Variants in EXOC4 observed in about 807,000 individuals in gnomAD.
The protein encoded by EXOC4 is SEC8-like 1.
EXOC4 carries 71 observed loss-of-function variants against 107.2 expected under a neutral mutation model. The ratio of observed to expected loss-of-function variants is 0.66; its 90% CI spans 0.55 to 0.81. EXOC4 has a LOEUF of 0.81. Ranked by LOEUF, EXOC4 falls within the 30% of genes least tolerant of loss-of-function variation. The pLI, the probability that EXOC4 is intolerant of heterozygous loss-of-function variation, is 0.00. For synonymous variants in EXOC4, 456 were observed against 441.2 expected (o/e 1.03, Z -0.42); for missense variants, 1,108 against 1,189.6 (o/e 0.93, Z 1.01).
chr7:133,544,622 A>T (rs1177263043), intron 9 of EXOC4, among the ~76,000 whole-genome samples: 1 of 152,094 alleles, frequency 6.6e-6, no homozygotes, highest in Admixed American at 6.5e-5. Context: ...CAATACTGTC[A>T]TACTGTCATT....
chr7:133,669,846 C>G (rs1162912199), intron 10 of EXOC4, among the ~76,000 whole-genome samples: 1 of 152,148 alleles, frequency 6.6e-6, no homozygotes, highest in African/African-American at 2.4e-5. Context: ...TACAAGGACT[C>G]TAAGGAATGT....
rs1802129458 is a variant in EXOC4, at chr7:133,613,913, A to G, written c.1418-16132A>G. 3.3e-5 allele frequency among the ~76,000 whole-genome samples: 5 copies of G among 152,282 alleles called. No homozygotes were observed. The South Asian group carries it at 1.0e-3, about 32-fold the overall frequency. On this transcript the variant is annotated intron_variant, in intron 9 of 17. Coordinates refer to ENST00000253861, the MANE Select transcript of EXOC4 (RefSeq NM_021807.4). ...AGTCATTATATGGTAACTTAAGGCA[A>G]AAGGAAGGTGAAGGATGTAAAGCTG...
intron 10 of EXOC4, among the ~76,000 whole-genome samples, chr7:133,729,890 A>T (rs569928644): frequency 6.6e-6 from 1 of 152,150 alleles, no homozygotes; most frequent in South Asian, 2.1e-4. Context: ...GGTCTACAGT[A>T]GTCCAGTCTC....
chr7:134,041,332 A>G (rs939243801), intron 17 of EXOC4, among the ~76,000 whole-genome samples: 1 of 152,236 alleles, frequency 6.6e-6, no homozygotes, highest in Non-Finnish European at 1.5e-5. Context: ...TAAAAATGGC[A>G]TAAGGTTTAG....
Position 133,589,975 on chromosome 7 carries a change from G to A in EXOC4, c.1418-40070G>A, listed in dbSNP as rs990354863. Among the ~76,000 whole-genome samples, 7 of 152,098 alleles carry A rather than the reference G, an allele frequency of 4.6e-5. No individual in the cohort carries two copies. In the South Asian group the frequency reaches 1.5e-3, roughly 32 times the overall value. On this transcript the variant is annotated intron_variant, in intron 9 of 17. Coordinates refer to ENST00000253861, the MANE Select transcript of EXOC4 (RefSeq NM_021807.4). ...AATTAGGCATGCGAACACATTTAAAGGTGAGGAGAGCGGAATTTATTAAAA... is the reference window on the plus strand; with the variant it reads ...AATTAGGCATGCGAACACATTTAAAAGTGAGGAGAGCGGAATTTATTAAAA...
chr7:133,529,550 A>G (rs774170647), intron 9 of EXOC4, among the ~76,000 whole-genome samples: 9 of 152,166 alleles, frequency 5.9e-5, no homozygotes, highest in Non-Finnish European at 1.2e-4. Flanking sequence ...CATTTTGTAG[A>G]TGGGGCCCTA....
intron 10 of EXOC4, among the ~76,000 whole-genome samples, chr7:133,775,559 C>T (rs1376813256): frequency 6.6e-6 from 1 of 152,152 alleles, no homozygotes; most frequent in African/African-American, 2.4e-5. Context: ...GGTGCATCAG[C>T]AGGCATGTCT....
intron 10 of EXOC4, among the ~76,000 whole-genome samples, chr7:133,736,231 C>G (rs1357457556): frequency 2.6e-5 from 4 of 152,180 alleles, no homozygotes. Flanking sequence ...CAAGTTTATC[C>G]AAACAGTAGG....
At chr7:133,872,000 A>C (rs1798760774) in intron 11 of EXOC4, among the ~76,000 whole-genome samples, 1 of 152,176 alleles carries the variant, frequency 6.6e-6, no homozygotes, top group Non-Finnish European at 1.5e-5. Flanking sequence ...CAAGGCCAGA[A>C]GGAGAACAGC....
rs966991999 is a variant in EXOC4 at position 133,750,989 on chromosome 7, G to A, written c.1515-66336G>A. ...TGGACAGACGTTGTTTGTATTTCAC[G>A]CCCACACAAGTGTGTTAGTGTGGAG... On this transcript the variant is annotated intron_variant, in intron 10 of 17. Coordinates refer to ENST00000253861, the MANE Select transcript of EXOC4 (RefSeq NM_021807.4). 7.2e-5 allele frequency among the ~76,000 whole-genome samples: 11 copies of A among 152,150 alleles called. 1 individual carries two copies. The highest frequency in any genetic ancestry group is 1.4e-4 in the African/African-American group (6 of 41,424).
intron 10 of EXOC4, among the ~76,000 whole-genome samples, chr7:133,670,780 A>G (rs905845619): frequency 1.3e-5 from 2 of 152,208 alleles, no homozygotes; most frequent in African/African-American, 4.8e-5. Flanking sequence ...ATGATGTAAT[A>G]AGTGTTTGTA....
At chr7:133,946,671 C>T (rs1198898788) in intron 14 of EXOC4, among the ~76,000 whole-genome samples, 4 of 152,186 alleles carry the variant, frequency 2.6e-5, no homozygotes, top group Admixed American at 6.5e-5. Context: ...CTGAAATCTA[C>T]GTTATTACTA....
chr7:133,459,476 G>A (rs144484985), intron 7 of EXOC4, among the ~76,000 whole-genome samples: 43 of 152,316 alleles, frequency 2.8e-4, no homozygotes, highest in Admixed American at 1.2e-3. Context: ...AATGATCCAG[G>A]TATACAATTA....
At chr7:133,708,614 C>G (rs1272634668) in intron 10 of EXOC4, among the ~76,000 whole-genome samples, 1 of 152,168 alleles carries the variant, frequency 6.6e-6, no homozygotes, top group Non-Finnish European at 1.5e-5. Flanking sequence ...TCTTCCCGTT[C>G]ATTCTCTCAT....
intron 10 of EXOC4, among the ~76,000 whole-genome samples, chr7:133,763,775 TG>T (rs1179679684): frequency 6.6e-6 from 1 of 152,082 alleles, no homozygotes; most frequent in Non-Finnish European, 1.5e-5. Flanking sequence ...GTTTTGTTTT[TG>T]TTTTTTTAAT....
At chr7:133,796,341 G>A (rs566662760) in intron 10 of EXOC4, among the ~76,000 whole-genome samples, 3 of 152,300 alleles carry the variant, frequency 2.0e-5, no homozygotes, top group Non-Finnish European at 4.4e-5. Context: ...GGCTCTGGTG[G>A]AAATAGGGCC....
At chr7:133,885,185 G>A (rs1017423023) in intron 11 of EXOC4, among the ~76,000 whole-genome samples, 5 of 151,852 alleles carry the variant, frequency 3.3e-5, no homozygotes, top group East Asian at 3.9e-4. Context: ...GTGGTGGCAC[G>A]CGCCTGTAGT....
chr7:133,523,145 C>G (rs1800011228), intron 9 of EXOC4, among the ~76,000 whole-genome samples: 1 of 152,072 alleles, frequency 6.6e-6, no homozygotes, highest in Non-Finnish European at 1.5e-5. Flanking sequence ...GAGACTGCCC[C>G]CTTCTAGGAT....
intron 4 of EXOC4, among the ~76,000 whole-genome samples, chr7:133,312,226 T>C (rs1360997742): frequency 6.6e-6 from 1 of 152,194 alleles, no homozygotes; most frequent in Non-Finnish European, 1.5e-5. Context: ...GATCTCTATG[T>C]GCTGATATAG....
Sources: allele counts gnomAD v4.1 joint callset (sites outside exome capture counted in the v4.1 genomes callset), GRCh38; gene constraint gnomAD v4.1.1; transcripts MANE v1.5; gene names NCBI Gene and HGNC (gene_info 2026-07-23, HGNC 2026-07-21).